SLC41A1: variants seen among roughly 807,000 people sequenced by gnomAD.
SLC41A1 encodes solute carrier family 41 (magnesium transporter), member 1.
A neutral mutation model predicts 47.3 loss-of-function variants in SLC41A1; 20 were observed. The ratio of observed to expected loss-of-function variants is 0.42; its 90% CI spans 0.30 to 0.61. SLC41A1 has a LOEUF of 0.61. Ranked by LOEUF, SLC41A1 falls within the 20% of genes least tolerant of loss-of-function variation. The pLI is 0.17. For synonymous variants in SLC41A1, 282 were observed against 272.7 expected (o/e 1.03, Z -0.34); for missense variants, 504 against 674.1 (o/e 0.75, Z 2.79).
intron 2 of SLC41A1, among the ~76,000 whole-genome samples, chr1:205,805,279 C>G (rs1406167326): frequency 6.6e-6 from 1 of 152,232 alleles, no homozygotes; most frequent in African/African-American, 2.4e-5. Context: ...CAAACCCTCT[C>G]AAAGCTGCAG....
chr1:205,812,728 C>G (rs1414682289), intron 1 of SLC41A1, 80 bp downstream of exon 1: 113 of 985,976 alleles, frequency 1.1e-4, no homozygotes, highest in Non-Finnish European at 1.3e-4. Context: ...CTCCACCACT[C>G]AGATTCAGCA....
chr1:205,793,736 G>A (rs1204798165), intron 10 of SLC41A1, among the ~76,000 whole-genome samples: 1 of 152,212 alleles, frequency 6.6e-6, no homozygotes, highest in Non-Finnish European at 1.5e-5. Context: ...AATGAAAAAT[G>A]CAGGGTGCAG....
rs1656108116 is a variant in SLC41A1, at chr1:205,810,018, G to C, written c.372+52C>G. 3.1e-6 allele frequency: 5 copies of C among 1,612,610 alleles called. No individual in the cohort carries two copies. The African/African-American group carries it at 4.0e-5, about 13-fold the overall frequency. On this transcript the variant is annotated intron_variant, in intron 2 of 10. Coordinates refer to ENST00000367137, the MANE Select transcript of SLC41A1 (RefSeq NM_173854.6). This position sits in a 1 kb window ranked among gnomAD's most constrained non-coding sequence, Gnocchi z 5.5. ...AGAGGAAGTTCCAAGTTTCCCAGCA[G>C]GCAAAGGTGGCCCTGGGCTCACAGT...
In SLC41A1 at chr1:205,799,060, G is replaced by A. The variant is rs763796414; in HGVS notation, c.594C>T (p.Ala198=). Reference sequence around the variant, plus strand: ...CATCAGGGATCCAGCCAAAGACGACGGCTGCGATGGACGCCAGGAAGCCCA... The same window carrying A: ...CATCAGGGATCCAGCCAAAGACGACAGCTGCGATGGACGCCAGGAAGCCCA... ...TVVGFLASIA[A]VVFGWIPDGH... The change falls in exon 5 of 11, where the codon GCC becomes GCT. Residue 198 remains alanine, a synonymous_variant. Transcript: ENST00000367137. 1.7e-5 allele frequency: 27 copies of A among 1,612,982 alleles called. No individual in the cohort carries two copies. Among genetic ancestry groups the A allele is most frequent in the Non-Finnish European group, 2.2e-5 (26 of 1,179,980 alleles).
intron 2 of SLC41A1, among the ~76,000 whole-genome samples, chr1:205,804,994 T>C (rs1372580741): frequency 2.6e-5 from 4 of 152,164 alleles, no homozygotes; most frequent in Non-Finnish European, 5.9e-5. Flanking sequence ...GTTGCTACCA[T>C]AAGCACCCCA....
intron 2 of SLC41A1, among the ~76,000 whole-genome samples, chr1:205,802,909 C>T (rs952340237): frequency 6.6e-6 from 1 of 152,106 alleles, no homozygotes; most frequent in Non-Finnish European, 1.5e-5. Context: ...TGGCTCATGC[C>T]TGTAATCCCA....
intron 8 of SLC41A1, chr1:205,795,757 G>T: frequency 1.9e-6 from 1 of 530,440 alleles, no homozygotes; most frequent in Non-Finnish European, 3.4e-6. Context: ...AGCTGTGACA[G>T]TGCCGGAAAG....
intron 4 of SLC41A1, among the ~76,000 whole-genome samples, chr1:205,799,330 C>T (rs1286338101): frequency 6.6e-6 from 1 of 152,228 alleles, no homozygotes; most frequent in African/African-American, 2.4e-5. Context: ...ATGTTACTGG[C>T]TGAATGAGTG....
Position 205,813,035 on chromosome 1 carries a change from G to A in SLC41A1, c.-874C>T. The A allele has an allele frequency of 1.0e-6, 1 of 985,536 alleles. No individual in the cohort carries two copies. The highest frequency in any genetic ancestry group is 1.2e-6 in the Non-Finnish European group (1 of 829,994). The allele number at this position is 985,536 out of a possible 1,614,324, so 61.0% of individuals were successfully genotyped here. On this transcript the variant is annotated 5_prime_UTR_variant, in exon 1 of 11. Coordinates refer to ENST00000367137, the MANE Select transcript of SLC41A1 (RefSeq NM_173854.6). The stretch of plus-strand genomic sequence containing the variant: ...GAGGCCGCCGCTCCGCTTCCACGCG[G>A]GGGAGGTGGCCGGGGAGGGCAGGAT...
At chr1:205,801,839 T>C (rs1655888193) in intron 2 of SLC41A1, among the ~76,000 whole-genome samples, 1 of 152,218 alleles carries the variant, frequency 6.6e-6, no homozygotes, top group Non-Finnish European at 1.5e-5. Context: ...ACTGATTGTG[T>C]GCTAGGCTAA....
At position 205,812,873 on chromosome 1, in the gene SLC41A1, GTGCAGGGCACCCCCTCTTCT is replaced by G; in HGVS notation, c.-732_-713del. 1.0e-6 allele frequency: 1 copy of G among 985,512 alleles called. No homozygotes were observed. The highest frequency in any genetic ancestry group is 1.2e-6 in the Non-Finnish European group (1 of 830,020). The allele number at this position is 985,512 out of a possible 1,614,324, so 61.0% of individuals were successfully genotyped here. A position where few individuals can be genotyped will look rare whatever the true frequency, so the allele number is the denominator to read the frequency against. On this transcript the variant is annotated 5_prime_UTR_variant, in exon 1 of 11. An upstream open reading frame in the 5' UTR loses its in-frame stop. Transcript: ENST00000367137. The stretch of plus-strand genomic sequence containing the variant: ...GCAGCGTGGCCCGTGGTCTCGGGGG[GTGCAGGGCACCCCCTCTTCT>G]CATCACTCCTCCTCGACAGTCCTCC...
intron 3 of SLC41A1, among the ~76,000 whole-genome samples, chr1:205,800,188 C>T (rs1044993809): frequency 3.9e-5 from 6 of 152,208 alleles, no homozygotes; most frequent in African/African-American, 7.2e-5. Flanking sequence ...AGCCAGCCTG[C>T]GATCCCAGGG....
At chr1:205,796,901 G>T in intron 8 of SLC41A1, 23 bp downstream of exon 8, 1 of 1,607,898 alleles carries the variant, frequency 6.2e-7, no homozygotes, top group Non-Finnish European at 8.5e-7. Flanking sequence ...CCTGCCCTCT[G>T]ATAGCTGATG....
Position 205,791,586 on chromosome 1 carries a change from T to C in SLC41A1, c.1489A>G (p.Ser497Gly), listed in dbSNP as rs201682911. The C allele has an allele frequency of 6.2e-7, 1 of 1,614,074 alleles. No homozygotes were observed. The highest frequency in any genetic ancestry group is 1.7e-5 in the Admixed American group (1 of 60,008). Residue 497 changes from serine to glycine, a missense_variant, in exon 11 of 11, where the codon AGC (serine) becomes GGC (glycine). Around this residue, in one of 2 missense-constraint regions of SLC41A1, gnomAD observed 421 missense variants for 601.6 expected, o/e 0.70. Transcript: ENST00000367137. The surrounding 1 kb of genome is among the most constrained non-coding windows in gnomAD (Gnocchi z 4.0). Reference protein sequence around the residue: ...DLLGTGLLALSFHVLWLIGDR... With the variant: ...DLLGTGLLALGFHVLWLIGDR... The stretch of plus-strand genomic sequence containing the variant: ...CCTATGAGCCAGAGAACATGGAAGC[T>C]GAGTGCTAGGAGCCCAGTGCCAAGC...
At chr1:205,796,236 T>C (rs1233840553) in intron 8 of SLC41A1, 3 of 158,572 alleles carry the variant, frequency 1.9e-5, no homozygotes, top group Non-Finnish European at 2.8e-5. Flanking sequence ...CTTCCCCATG[T>C]TGGGGGCAAA....
At chr1:205,800,260 G>A (rs1347798882) in intron 3 of SLC41A1, among the ~76,000 whole-genome samples, 1 of 152,210 alleles carries the variant, frequency 6.6e-6, no homozygotes, top group Non-Finnish European at 1.5e-5. Flanking sequence ...AGGAGTGGGT[G>A]GCATGGGCCA....
rs1214612705 is a variant in SLC41A1, at chr1:205,798,038, G to A, written c.858C>T (p.Tyr286=). 1.9e-6 allele frequency: 3 copies of A among 1,614,172 alleles called. No homozygotes were observed. In the Admixed American group the frequency reaches 5.0e-5, roughly 27 times the overall value. ...GLYLELNHWR[Y]IYPLVCAFFV... ...AGAAAGCACACACCAGTGGGTAGAT[G>A]TATCGCCAGTGATCTGAGAGGGCAG... The change falls in exon 7 of 11, where the codon TAC becomes TAT. Residue 286 remains tyrosine, a synonymous_variant. Coordinates refer to ENST00000367137, the MANE Select transcript of SLC41A1 (RefSeq NM_173854.6).
chr1:205,810,003 C>A lies in SLC41A1; in HGVS notation c.372+67G>T. The A allele has an allele frequency of 1.2e-6, 2 of 1,608,444 alleles. No individual in the cohort carries two copies. Among genetic ancestry groups the A allele is most frequent in the South Asian group, 2.2e-5 (2 of 90,140 alleles). ...CTGACAGGGAGGTAGAGAGGAAGTT[C>A]CAAGTTTCCCAGCAGGCAAAGGTGG... On this transcript the variant is annotated intron_variant, in intron 2 of 10. Transcript: ENST00000367137. The surrounding 1 kb of genome is among the most constrained non-coding windows in gnomAD (Gnocchi z 5.5).
chr1:205,811,798 T>G (rs1476625160), intron 1 of SLC41A1, among the ~76,000 whole-genome samples: 3 of 152,214 alleles, frequency 2.0e-5, no homozygotes, highest in Non-Finnish European at 4.4e-5. Flanking sequence ...TCCAGGCCTC[T>G]GTCTCTCCCC....
Sources: allele counts gnomAD v4.1 joint callset (sites outside exome capture counted in the v4.1 genomes callset), GRCh38; gene constraint gnomAD v4.1.1; regional missense constraint gnomAD v4.1.1; non-coding constraint Gnocchi (gnomAD v3.1); transcripts MANE v1.5; gene names NCBI Gene and HGNC (gene_info 2026-07-23, HGNC 2026-07-21).